The following FBH1 variants were observed in gnomAD, a reference collection of about 807,000 sequenced individuals.
FBH1 encodes the protein DNA 3'-5' helicase 1.
Under a neutral mutation model 115.5 loss-of-function variants are expected in FBH1, and 43 were observed. The ratio of observed to expected loss-of-function variants is 0.37; its 90% CI spans 0.29 to 0.48. The LOEUF (loss-of-function observed/expected upper bound fraction) is 0.48, where lower values mean the gene tolerates loss of function less well. Ranked by LOEUF, FBH1 falls within the 20% of genes least tolerant of loss-of-function variation. The pLI is 0.99. For missense variants in FBH1, 1,001 were observed against 1,337.3 expected (o/e 0.75, Z 3.92); for synonymous variants, 524 against 507.8 (o/e 1.03, Z -0.43).
chr10:5,917,426 G>A lies in FBH1; in HGVS notation c.1795G>A (p.Val599Ile). The change falls in exon 11 of 21, where the codon GTC (valine) becomes ATC (isoleucine). Residue 599 changes from valine to isoleucine, a missense_variant. Physicochemically the swap from Val to Ile is conservative, Grantham distance 29. Coordinates refer to ENST00000362091, the MANE Select transcript of FBH1 (RefSeq NM_178150.3). This position sits in a 1 kb window ranked among gnomAD's most constrained non-coding sequence, Gnocchi z 5.6. ...MVEQSEKLNG[V>I]LEASRLWDNM... ...CATATGCTTTACTTCCTAGAATGGTGTCCTTGAAGCGAGCCGCCTCTGGGA... is the reference window on the plus strand; with the variant it reads ...CATATGCTTTACTTCCTAGAATGGTATCCTTGAAGCGAGCCGCCTCTGGGA... 1 of 1,614,082 alleles carries A rather than the reference G, an allele frequency of 6.2e-7. No homozygotes were observed. Among genetic ancestry groups the A allele is most frequent in the South Asian group, 1.1e-5 (1 of 91,050 alleles).
rs1833122684 is a variant in FBH1 at position 5,933,735 on chromosome 10, T to C, written c.2830-2721T>C. ...TTGGCTCACCGCAACCTCGGCCTCC[T>C]GGGTTCAAGCTGTTCTCCTGTGTCA... On this transcript the variant is annotated intron_variant, in intron 19 of 20. Transcript: ENST00000362091. The surrounding 1 kb of genome is among the most constrained non-coding windows in gnomAD (Gnocchi z 4.9). 6.6e-6 allele frequency among the ~76,000 whole-genome samples: 1 copy of C among 151,846 alleles called. No individual in the cohort carries two copies.
rs1564448583 is a variant in FBH1 at position 5,914,504 on chromosome 10, T to C, written c.1396+235T>C. Among the ~76,000 whole-genome samples, 1 of 152,236 alleles carries C rather than the reference T, an allele frequency of 6.6e-6. No individual in the cohort carries two copies. Among genetic ancestry groups the C allele is most frequent in the Non-Finnish European group, 1.5e-5 (1 of 68,036 alleles). On this transcript the variant is annotated intron_variant, in intron 8 of 20. Coordinates refer to ENST00000362091, the MANE Select transcript of FBH1 (RefSeq NM_178150.3). The surrounding 1 kb of genome is among the most constrained non-coding windows in gnomAD (Gnocchi z 5.2). The stretch of plus-strand genomic sequence containing the variant: ...GAGACAGGTAGTTCACAGCAGTTAG[T>C]TGGTCGGGCAGATGCCCCCGGGATT...
rs988017952 is a variant in FBH1 at position 5,911,836 on chromosome 10, T to G, written c.1211+708T>G. Among the ~76,000 whole-genome samples, 2 of 152,112 alleles carry G rather than the reference T, an allele frequency of 1.3e-5. No homozygotes were observed. The highest frequency in any genetic ancestry group is 2.4e-5 in the African/African-American group (1 of 41,402). On this transcript the variant is annotated intron_variant, in intron 6 of 20. Coordinates refer to ENST00000362091, the MANE Select transcript of FBH1 (RefSeq NM_178150.3). This position sits in a 1 kb window ranked among gnomAD's most constrained non-coding sequence, Gnocchi z 5.4. ...CTGCTTTAGAGGGGTGGAAAAAGCTTCTCTGAGCAGGTAGTGTCTGAGTGA... is the reference window on the plus strand; with the variant it reads ...CTGCTTTAGAGGGGTGGAAAAAGCTGCTCTGAGCAGGTAGTGTCTGAGTGA...
intron 1 of FBH1, among the ~76,000 whole-genome samples, chr10:5,893,199 G>C (rs1012856982): frequency 6.6e-6 from 1 of 152,082 alleles, no homozygotes; most frequent in East Asian, 1.9e-4. Context: ...CCAGCTACTC[G>C]GAAGACTGAG....
chr10:5,922,740 G>C (rs1422855210), intron 15 of FBH1, among the ~76,000 whole-genome samples: 1 of 152,180 alleles, frequency 6.6e-6, no homozygotes, highest in Non-Finnish European at 1.5e-5. Context: ...CTTCTATGTG[G>C]GGCCTGGTGC....
chr10:5,891,146 T>C lies in FBH1; in HGVS notation c.1+800T>C, dbSNP rs1004939578. 9.1e-6 allele frequency: 9 copies of C among 985,712 alleles called. No homozygotes were observed. In the African/African-American group the frequency reaches 1.6e-4, roughly 17 times the overall value. The allele number at this position is 985,712 out of a possible 1,614,324, so 61.1% of individuals were successfully genotyped here. A position where few individuals can be genotyped will look rare whatever the true frequency, so the allele number is the denominator to read the frequency against. ...TAAAGTCTTCTGGAAGGCAGGATGG[T>C]AGCATGTGTTGAGTGTCCGCCAGCG... is the stretch of plus-strand genomic sequence containing the variant. On this transcript the variant is annotated intron_variant, in intron 1 of 20. Transcript: ENST00000362091.
At chr10:5,901,525 C>A (rs1843345519) in intron 1 of FBH1, among the ~76,000 whole-genome samples, 1 of 151,396 alleles carries the variant, frequency 6.6e-6, no homozygotes, top group African/African-American at 2.4e-5. Flanking sequence ...TCTCTTTTGA[C>A]CATCTCCTAT....
intron 2 of FBH1, among the ~76,000 whole-genome samples, chr10:5,905,711 AC>A (rs1843651333): frequency 6.6e-6 from 1 of 151,654 alleles, no homozygotes. Context: ...GTGAGCAGTC[AC>A]CTCCTTTTTG....
chr10:5,895,002 G>A lies in FBH1; in HGVS notation c.1+4656G>A. On this transcript the variant is annotated intron_variant, in intron 1 of 20. Transcript: ENST00000362091. The surrounding 1 kb of genome is among the most constrained non-coding windows in gnomAD (Gnocchi z 5.0). The stretch of plus-strand genomic sequence containing the variant: ...TTGAGTGAATACTTTTATGGTGCTG[G>A]AGTTGAGAGATAACACAGTTAACTG... The A allele has an allele frequency of 6.3e-7, 1 of 1,583,448 alleles. No individual in the cohort carries two copies. The highest frequency in any genetic ancestry group is 8.6e-7 in the Non-Finnish European group (1 of 1,159,824).
chr10:5,908,294 A>C (rs1032458478), intron 3 of FBH1, among the ~76,000 whole-genome samples: 31 of 152,214 alleles, frequency 2.0e-4, no homozygotes, highest in Admixed American at 2.0e-4. Context: ...AACAGACAGA[A>C]TTGACTTAAA....
chr10:5,911,155 A>G lies in FBH1; in HGVS notation c.1211+27A>G. 1 of 1,591,000 alleles carries G rather than the reference A, an allele frequency of 6.3e-7. No homozygotes were observed. On this transcript the variant is annotated intron_variant, in intron 6 of 20. Coordinates refer to ENST00000362091, the MANE Select transcript of FBH1 (RefSeq NM_178150.3). The surrounding 1 kb of genome is among the most constrained non-coding windows in gnomAD (Gnocchi z 5.4). ...TAATGCCCCGGGAGGAGGGGAGGGGATGCTGTGATAATGGGAGAGTCCCAG... is the reference window on the plus strand; with the variant it reads ...TAATGCCCCGGGAGGAGGGGAGGGGGTGCTGTGATAATGGGAGAGTCCCAG...
intron 2 of FBH1, among the ~76,000 whole-genome samples, chr10:5,904,690 G>A (rs928381175): frequency 1.2e-4 from 19 of 152,096 alleles, no homozygotes; most frequent in Non-Finnish European, 2.2e-4. Context: ...ATGAGACCCC[G>A]TCTCTATTTT....
rs147442889 is a variant in FBH1 at position 5,924,392 on chromosome 10, C to T, written c.2480C>T (p.Ala827Val). Residue 827 changes from alanine to valine, a missense_variant, in exon 17 of 21, where the codon GCT (alanine) becomes GTT (valine). By Grantham distance (64) the Ala-to-Val change is moderately conservative (BLOSUM62 0). Coordinates refer to ENST00000362091, the MANE Select transcript of FBH1 (RefSeq NM_178150.3). The surrounding 1 kb of genome is among the most constrained non-coding windows in gnomAD (Gnocchi z 6.2). ...AGTGGCTTCAAGAGGTATGTGACCG[C>T]TGCCGAGGACAAGGAGCTTGAAGCC... ...GFSGFKRYVT[A>V]AEDKELEAKI... is the part of the protein sequence containing the mutation. 8.7e-5 allele frequency: 140 copies of T among 1,614,056 alleles called. No individual in the cohort carries two copies. The highest frequency in any genetic ancestry group is 1.9e-5 in the Non-Finnish European group (22 of 1,180,038).
intron 1 of FBH1, among the ~76,000 whole-genome samples, chr10:5,892,790 TG>T (rs1428539474): frequency 6.6e-6 from 1 of 152,250 alleles, no homozygotes; most frequent in Non-Finnish European, 1.5e-5. Flanking sequence ...CAGTTATCCT[TG>T]TTGCTCTTTA....
At chr10:5,893,641 A>G (rs952165001) in intron 1 of FBH1, among the ~76,000 whole-genome samples, 27 of 152,208 alleles carry the variant, frequency 1.8e-4, no homozygotes, top group Admixed American at 1.4e-3. Context: ...GCCTAACTCT[A>G]TTTATGTTTC....
At position 5,932,679 on chromosome 10, in the gene FBH1, C is replaced by T. The variant is rs1833030605; in HGVS notation, c.2830-3777C>T. Among the ~76,000 whole-genome samples, 1 of 152,154 alleles carries T rather than the reference C, an allele frequency of 6.6e-6. No homozygotes were observed. The highest frequency in any genetic ancestry group is 6.5e-5 in the Admixed American group (1 of 15,276). ...GCATGCATTTCTAGAAGTGGAATTG[C>T]TGGGTAAAGATAAATGCAAGTGTGA... On this transcript the variant is annotated intron_variant, in intron 19 of 20. Coordinates refer to ENST00000362091, the MANE Select transcript of FBH1 (RefSeq NM_178150.3). This position sits in a 1 kb window ranked among gnomAD's most constrained non-coding sequence, Gnocchi z 5.9.
intron 13 of FBH1, among the ~76,000 whole-genome samples, chr10:5,920,891 G>T (rs1428017133): frequency 6.6e-6 from 1 of 152,186 alleles, no homozygotes; most frequent in Non-Finnish European, 1.5e-5. Flanking sequence ...TAGTGCTTCT[G>T]CCATGGCTGG....
rs1843295972 is a variant in FBH1 at position 5,900,695 on chromosome 10, AAT to A, written c.2-2324_2-2323del. On this transcript the variant is annotated intron_variant, in intron 1 of 20. Transcript: ENST00000362091. This position sits in a 1 kb window ranked among gnomAD's most constrained non-coding sequence, Gnocchi z 4.2. ...ATTAAACCTTGAAAAAGTTAACTGA[AAT>A]TTGGAAGGGTGATTTCTGAATTAGC... Among the ~76,000 whole-genome samples the A allele has an allele frequency of 6.6e-6, 1 of 152,160 alleles. No homozygotes were observed. Among genetic ancestry groups the A allele is most frequent in the African/African-American group, 2.4e-5 (1 of 41,422 alleles).
rs1408152951 is a variant in FBH1, at chr10:5,911,177, C to G, written c.1211+49C>G. 43 of 1,547,182 alleles carry G rather than the reference C, an allele frequency of 2.8e-5. No individual in the cohort carries two copies. Among genetic ancestry groups the G allele is most frequent in the Non-Finnish European group, 3.5e-5 (40 of 1,138,214 alleles). On this transcript the variant is annotated intron_variant, in intron 6 of 20. Transcript: ENST00000362091. This position sits in a 1 kb window ranked among gnomAD's most constrained non-coding sequence, Gnocchi z 5.4. ...GGGATGCTGTGATAATGGGAGAGTC[C>G]CAGACACAGCAGCAGGTCCAGCCCT...
Sources: allele counts gnomAD v4.1 joint callset (sites outside exome capture counted in the v4.1 genomes callset), GRCh38; gene constraint gnomAD v4.1.1; non-coding constraint Gnocchi (gnomAD v3.1); transcripts MANE v1.5; gene names NCBI Gene and HGNC (gene_info 2026-07-23, HGNC 2026-07-21).